The following PAH variants were observed in gnomAD, a reference collection of about 807,000 sequenced individuals.
PAH encodes the protein phenylalanine hydroxylase, also known as phenylalanine-4-hydroxylase.
In PAH, 64 loss-of-function variants were observed where a neutral mutation model predicts 62.0. That is an observed-to-expected ratio of 1.03 (90% CI 0.84 to 1.27). The LOEUF is 1.27. Among genes scored for constraint, PAH ranks in the 50% most tolerant of loss-of-function variants. The probability of loss-of-function intolerance (pLI) is 0.00; values close to 1 mark genes in which losing one functional copy is unlikely to be tolerated. For missense variants in PAH, 579 were observed against 542.8 expected (o/e 1.07, Z -0.66); for synonymous variants, 195 against 196.2 (o/e 0.99, Z 0.05).
At chr12:102,891,635 C>T (rs1156786160) in intron 3 of PAH, among the ~76,000 whole-genome samples, 1 of 152,178 alleles carries the variant, frequency 6.6e-6, no homozygotes, top group Non-Finnish European at 1.5e-5. Flanking sequence ...GCTCTTGTGA[C>T]TCCCCTTTGA....
chr12:102,917,127 A>G lies in PAH; in HGVS notation c.4T>C (p.Ser2Pro). 1 of 1,614,162 alleles carries G rather than the reference A, an allele frequency of 6.2e-7. No homozygotes were observed. Among genetic ancestry groups the G allele is most frequent in the Non-Finnish European group, 8.5e-7 (1 of 1,180,004 alleles). Residue 2 changes from serine to proline, a missense_variant, in exon 1 of 13, where the codon TCC becomes CCC. Ser to Pro is a moderately conservative substitution (Grantham distance 74, BLOSUM62 -1). Transcript: ENST00000553106. ...CCTGGGTTTTCCAGGACCGCAGTGGACATGCTGGCTCCCCGGGAGTGAGGT... is the reference window on the plus strand; with the variant it reads ...CCTGGGTTTTCCAGGACCGCAGTGGGCATGCTGGCTCCCCGGGAGTGAGGT... The part of the protein sequence containing the change: M[S>P]TAVLENPGLG...
chr12:102,927,104 C>A (rs931708616), intron 1 of PAH, among the ~76,000 whole-genome samples: 1 of 151,914 alleles, frequency 6.6e-6, no homozygotes, highest in Non-Finnish European at 1.5e-5. Flanking sequence ...CACTTAGGGG[C>A]AGAGAAGGCT....
rs193068381 is a variant in PAH at position 102,932,029 on chromosome 12, A to G, written c.-95-14804T>C. 1.6e-3 allele frequency among the ~76,000 whole-genome samples: 249 copies of G among 152,320 alleles called. 3 individuals carry two copies. Among genetic ancestry groups the G allele is most frequent in the South Asian group, 0.014 (66 of 4,820 alleles). Reference sequence around the variant, plus strand: ...GGTGTGTGTGCTGAACAAGCTCAGAAAAAGTGATGTTAGGAAAGGGGTTTG... The same window carrying G: ...GGTGTGTGTGCTGAACAAGCTCAGAGAAAGTGATGTTAGGAAAGGGGTTTG... On this transcript the variant is annotated intron_variant, in intron 1 of 3. Transcript: ENST00000546844.
At chr12:102,888,043 A>G (rs1239311976) in intron 3 of PAH, among the ~76,000 whole-genome samples, 1 of 152,186 alleles carries the variant, frequency 6.6e-6, no homozygotes, top group African/African-American at 2.4e-5. Context: ...GCCTTTGTTT[A>G]TCAAACTTCA....
At chr12:102,919,711 G>A (rs994952377), upstream of PAH, among the ~76,000 whole-genome samples, 13 of 152,034 alleles carry the variant, frequency 8.6e-5, no homozygotes, top group African/African-American at 3.1e-4. Context: ...TTGGCTTTCT[G>A]TGCCTGGCTT....
At chr12:102,955,888 T>C (rs1879896114) in intron 1 of PAH, among the ~76,000 whole-genome samples, 1 of 152,156 alleles carries the variant, frequency 6.6e-6, no homozygotes, top group South Asian at 2.1e-4. Flanking sequence ...GTTACAGAAT[T>C]GACCTCTGTT....
At chr12:102,949,535 A>G (rs1421207293) in intron 1 of PAH, among the ~76,000 whole-genome samples, 3 of 152,190 alleles carry the variant, frequency 2.0e-5, no homozygotes, top group African/African-American at 7.2e-5. Flanking sequence ...ACAGAGGTAG[A>G]AAGTTTCAGG....
upstream of PAH, among the ~76,000 whole-genome samples, chr12:102,954,600 A>C (rs1199307520): frequency 2.0e-5 from 3 of 152,172 alleles, no homozygotes; most frequent in Admixed American, 2.0e-4. Context: ...CTAGATACCA[A>C]GTCAAATCAG....
At position 102,844,017 on chromosome 12, in the gene PAH, TG is replaced by T. The variant is rs374160054; in HGVS notation, c.1066-239del. Reference sequence around the variant, plus strand: ...TCATTCCAATTACTTTCAAGTAAGGTGGTCAATAGATGACGTGGGAGCCAAC... The same window carrying T: ...TCATTCCAATTACTTTCAAGTAAGGTGTCAATAGATGACGTGGGAGCCAAC... On this transcript the variant is annotated intron_variant, in intron 10 of 12. Coordinates refer to ENST00000553106, the MANE Select transcript of PAH (RefSeq NM_000277.3). 1.1e-4 allele frequency among the ~76,000 whole-genome samples: 17 copies of T among 152,234 alleles called. No homozygotes were observed. In the East Asian group the frequency reaches 2.5e-3, roughly 23 times the overall value.
intron 1 of PAH, among the ~76,000 whole-genome samples, chr12:102,925,996 G>C (rs770615780): frequency 1.3e-5 from 2 of 151,992 alleles, no homozygotes; most frequent in African/African-American, 2.4e-5. Flanking sequence ...AGATCACTGA[G>C]GTGCTGTCAT....
At chr12:102,857,967 C>T (rs1451129998) in intron 5 of PAH, among the ~76,000 whole-genome samples, 1 of 152,170 alleles carries the variant, frequency 6.6e-6, no homozygotes, top group African/African-American at 2.4e-5. Flanking sequence ...CAAATTCACA[C>T]ATAACAATAT....
Position 102,868,105 on chromosome 12 carries a change from CACAT to C in PAH, c.442-1446_442-1443del, listed in dbSNP as rs1565854943. On this transcript the variant is annotated intron_variant, in intron 4 of 12. Transcript: ENST00000553106. ...GTGTGTGTGTATATATATATATATACACATATATATACATATATGTGTATATATA... is the reference window on the plus strand; with the variant it reads ...GTGTGTGTGTATATATATATATATACATATATACATATATGTGTATATATA... 7.7e-3 allele frequency among the ~76,000 whole-genome samples: 71 copies of C among 9,236 alleles called. 8 individuals are homozygous for C. The highest frequency in any genetic ancestry group is 0.031 in the African/African-American group (54 of 1,750). The allele number at this position is 9,236 out of a possible 152,430, so 6.1% of individuals were successfully genotyped here. A position where few individuals can be genotyped will look rare whatever the true frequency, so the allele number is the denominator to read the frequency against.
chr12:102,863,763 G>A (rs79781938), intron 5 of PAH, among the ~76,000 whole-genome samples: 12 of 152,102 alleles, frequency 7.9e-5, no homozygotes, highest in African/African-American at 2.2e-4. Flanking sequence ...TAAACTACCC[G>A]CCTTAAACTC....
chr12:102,878,722 A>T (rs192801243), intron 3 of PAH, among the ~76,000 whole-genome samples: 1 of 151,960 alleles, frequency 6.6e-6, no homozygotes, highest in Non-Finnish European at 1.5e-5. Context: ...GAGGGAAGAA[A>T]GAAGGGAAGT....
At chr12:102,860,022 A>G (rs1318231941) in intron 5 of PAH, among the ~76,000 whole-genome samples, 5 of 147,482 alleles carry the variant, frequency 3.4e-5, no homozygotes, top group Non-Finnish European at 7.4e-5. Context: ...TCAATTAGGA[A>G]AAGAGGAAAT....
At chr12:102,891,183 G>T (rs1877261011) in intron 3 of PAH, among the ~76,000 whole-genome samples, 1 of 152,180 alleles carries the variant, frequency 6.6e-6, no homozygotes. Context: ...CCCTGTCTTT[G>T]TCACAGCACC....
At chr12:102,879,381 T>A (rs1876721909) in intron 3 of PAH, among the ~76,000 whole-genome samples, 1 of 151,506 alleles carries the variant, frequency 6.6e-6, no homozygotes, top group Admixed American at 6.6e-5. Context: ...GGAAAGAGCA[T>A]GTGTGCTATC....
chr12:102,899,684 C>A (rs1255244501), intron 2 of PAH, among the ~76,000 whole-genome samples: 1 of 149,774 alleles, frequency 6.7e-6, no homozygotes, highest in Non-Finnish European at 1.5e-5. Flanking sequence ...ACGGTGAAAC[C>A]CCGTCTCTAC....
In PAH at chr12:102,846,940, A is replaced by G; in HGVS notation, c.924T>C (p.Leu308=). The stretch of plus-strand genomic sequence containing the variant: ...ATTCATCAGGTGCACCCAGAGAGGC[A>G]AGGCCAATTTCCTGTAATTGGGGGA... ...SFAQFSQEIG[L]ASLGAPDEYI... is the part of the protein sequence containing the mutation. The change falls in exon 9 of 13, where the codon CTT becomes CTC. Residue 308 remains leucine, a synonymous_variant. Coordinates refer to ENST00000553106, the MANE Select transcript of PAH (RefSeq NM_000277.3). 6.2e-7 allele frequency: 1 copy of G among 1,613,640 alleles called. No homozygotes were observed. The highest frequency in any genetic ancestry group is 8.5e-7 in the Non-Finnish European group (1 of 1,179,624).
Sources: allele counts gnomAD v4.1 joint callset (sites outside exome capture counted in the v4.1 genomes callset), GRCh38; gene constraint gnomAD v4.1.1; transcripts MANE v1.5; gene names NCBI Gene and HGNC (gene_info 2026-07-23, HGNC 2026-07-21).